MED28: variants seen among roughly 807,000 people sequenced by gnomAD.
The protein encoded by MED28 is mediator complex subunit 28, also known as mediator of RNA polymerase II transcription subunit 28.
In MED28, 26 loss-of-function variants were observed where a neutral mutation model predicts 21.3. The observed-to-expected ratio is 1.22, with a 90% confidence interval of 0.89 to 1.69. The LOEUF (loss-of-function observed/expected upper bound fraction) is 1.69, where lower values mean the gene tolerates loss of function less well. Among genes scored for constraint, MED28 ranks in the 40% most tolerant of loss-of-function variants. The pLI is 0.00. For synonymous variants in MED28, 110 were observed against 87.6 expected, an observed-to-expected ratio of 1.26 and a Z score of -1.43; for missense variants, 257 against 215.4, an observed-to-expected ratio of 1.19 and a Z score of -1.21.
chr4:17,620,118 A>G, intron 2 of MED28, 151 bp downstream of exon 2: 1 of 687,242 alleles, frequency 1.5e-6, no homozygotes, highest in Non-Finnish European at 2.5e-6. Flanking sequence ...TGAGCTGCTG[A>G]TTTTTGGTTC....
At position 17,628,194 on chromosome 4, in the gene MED28, T is replaced by G. The variant is rs1230016444; in HGVS notation, c.*4396T>G. The G allele has an allele frequency of 6.6e-6, 1 of 151,666 alleles. No individual in the cohort carries two copies. 9.4% of individuals were successfully genotyped at this position (151,666 alleles called of 1,614,324 possible). A position where few individuals can be genotyped will look rare whatever the true frequency, so the allele number is the denominator to read the frequency against. ...AAGCACGTACAAAGAAAATTCAAGG[T>G]CAGTTTACCACTCACAAAATACCAA... On this transcript the variant is annotated 3_prime_UTR_variant, in exon 4 of 4. Transcript: ENST00000237380.
chr4:17,632,604 G>A lies in MED28; in HGVS notation c.*8806G>A. On this transcript the variant is annotated 3_prime_UTR_variant, in exon 4 of 4. Transcript: ENST00000237380. ...GTTTCTGCTGGACTTCTTTGGCTTG[G>A]GCCGTTTCACCATCTGGGGTCCTAA... is the stretch of plus-strand genomic sequence containing the variant. 1.3e-6 allele frequency: 2 copies of A among 1,550,804 alleles called. No individual in the cohort carries two copies. Among genetic ancestry groups the A allele is most frequent in the Non-Finnish European group, 8.7e-7 (1 of 1,146,642 alleles).
At chr4:17,617,781 G>A (rs908598656) in intron 1 of MED28, among the ~76,000 whole-genome samples, 16 of 151,878 alleles carry the variant, frequency 1.1e-4, no homozygotes, top group African/African-American at 3.1e-4. Context: ...GGTGGCACAC[G>A]CCTTAATCCC....
intron 2 of MED28, among the ~76,000 whole-genome samples, chr4:17,620,612 C>T (rs757839987): frequency 7.2e-5 from 11 of 151,842 alleles, no homozygotes; most frequent in African/African-American, 1.5e-4. Flanking sequence ...GGATTACAGG[C>T]GTGAGCCACC....
At position 17,630,433 on chromosome 4, in the gene MED28, A is replaced by G. The variant is rs532271299; in HGVS notation, c.*6635A>G. Reference sequence around the variant, plus strand: ...GGGAGGCGCTCTTGCCTCTTCCACCATGTAAGGACACGTAGCAGGCACCCA... The same window carrying G: ...GGGAGGCGCTCTTGCCTCTTCCACCGTGTAAGGACACGTAGCAGGCACCCA... On this transcript the variant is annotated 3_prime_UTR_variant, in exon 4 of 4. Coordinates refer to ENST00000237380, the MANE Select transcript of MED28 (RefSeq NM_025205.5). 1 of 152,300 alleles carries G rather than the reference A, an allele frequency of 6.6e-6. No homozygotes were observed. Among genetic ancestry groups the G allele is most frequent in the East Asian group, 1.9e-4 (1 of 5,178 alleles). 9.4% of individuals were successfully genotyped at this position (152,300 alleles called of 1,614,324 possible).
Position 17,626,192 on chromosome 4 carries a change from G to C in MED28, c.*2394G>C, listed in dbSNP as rs528692354. On this transcript the variant is annotated 3_prime_UTR_variant, in exon 4 of 4. Coordinates refer to ENST00000237380, the MANE Select transcript of MED28 (RefSeq NM_025205.5). The stretch of plus-strand genomic sequence containing the variant: ...GCAGAGGTTGTGATGAGCCAAGATC[G>C]TGCCATTGCACTCCATCCTGGGCTA... The C allele has an allele frequency of 6.5e-6, 1 of 153,624 alleles. No individual in the cohort carries two copies. The highest frequency in any genetic ancestry group is 1.9e-4 in the East Asian group (1 of 5,212). The allele number at this position is 153,624 out of a possible 1,614,324, so 9.5% of individuals were successfully genotyped here. A position where few individuals can be genotyped will look rare whatever the true frequency, so the allele number is the denominator to read the frequency against.
chr4:17,623,893 T>G lies in MED28; in HGVS notation c.*95T>G. ...GACTTGACATTTTGGAAGAACTCTT[T>G]GCCAGATAATGAGTTCATTTTAGTT... On this transcript the variant is annotated 3_prime_UTR_variant, in exon 4 of 4. Coordinates refer to ENST00000237380, the MANE Select transcript of MED28 (RefSeq NM_025205.5). 7 of 1,358,000 alleles carry G rather than the reference T, an allele frequency of 5.2e-6. No homozygotes were observed. The highest frequency in any genetic ancestry group is 7.1e-6 in the Non-Finnish European group (7 of 991,280). 84.1% of individuals were successfully genotyped at this position (1,358,000 alleles called of 1,614,324 possible).
At chr4:17,615,250 G>A (rs1325260550) in intron 1 of MED28, among the ~76,000 whole-genome samples, 1 of 152,170 alleles carries the variant, frequency 6.6e-6, no homozygotes, top group Non-Finnish European at 1.5e-5. Flanking sequence ...ATTGACTTAA[G>A]TTACCAGGCG....
chr4:17,619,820 G>A, intron 1 of MED28, 81 bp from the exon 2 acceptor site: 1 of 1,256,878 alleles, frequency 8.0e-7, no homozygotes, highest in Non-Finnish European at 1.2e-6. Flanking sequence ...GATGACTTCA[G>A]GAGAAGTTAT....
At chr4:17,619,387 A>C (rs903262518) in intron 1 of MED28, among the ~76,000 whole-genome samples, 1 of 152,320 alleles carries the variant, frequency 6.6e-6, no homozygotes, top group Middle Eastern at 3.4e-3. Flanking sequence ...ATTCTCATCT[A>C]CTAGTAGGGG....
intron 2 of MED28, among the ~76,000 whole-genome samples, chr4:17,620,352 A>ATT (rs1714584495): frequency 2.0e-5 from 2 of 97,896 alleles, no homozygotes; most frequent in Non-Finnish European, 2.1e-5. Flanking sequence ...CATATTTTAC[A>ATT]TGTTTTTTTT....
At chr4:17,619,391 G>A (rs998835103) in intron 1 of MED28, among the ~76,000 whole-genome samples, 1 of 152,222 alleles carries the variant, frequency 6.6e-6, no homozygotes, top group Admixed American at 6.5e-5. Flanking sequence ...TCATCTACTA[G>A]TAGGGGACAG....
chr4:17,623,788 A>G lies in MED28; in HGVS notation c.527A>G (p.Lys176Arg). ...TCTGCCAACATCCCTGCACCTCTGAAGCCAACGTGAGCAAAGGGCAGAGGC... is the reference window on the plus strand; with the variant it reads ...TCTGCCAACATCCCTGCACCTCTGAGGCCAACGTGAGCAAAGGGCAGAGGC... ...QASANIPAPL[K>R]PT Residue 176 changes from lysine (K) to arginine (R), a missense_variant, in exon 4 of 4, where the codon AAG becomes AGG. Physicochemically the swap from Lys to Arg is conservative, Grantham distance 26. Coordinates refer to ENST00000237380, the MANE Select transcript of MED28 (RefSeq NM_025205.5). 6.2e-7 allele frequency: 1 copy of G among 1,613,446 alleles called. No homozygotes were observed. Among genetic ancestry groups the G allele is most frequent in the Non-Finnish European group, 8.5e-7 (1 of 1,179,686 alleles).
Position 17,633,113 on chromosome 4 carries a change from G to A in MED28, c.*9315G>A, listed in dbSNP as rs1289449851. On this transcript the variant is annotated 3_prime_UTR_variant, in exon 4 of 4. Coordinates refer to ENST00000237380, the MANE Select transcript of MED28 (RefSeq NM_025205.5). ...AATTTTTGTATTTTTTGTAGAGATGGGTTTCACCATGTTGCCCAGGCTGGT... is the reference window on the plus strand; with the variant it reads ...AATTTTTGTATTTTTTGTAGAGATGAGTTTCACCATGTTGCCCAGGCTGGT... 6.4e-6 allele frequency: 1 copy of A among 155,108 alleles called. No homozygotes were observed. Among genetic ancestry groups the A allele is most frequent in the Admixed American group, 6.3e-5 (1 of 15,786 alleles). The allele number at this position is 155,108 out of a possible 1,614,324, so 9.6% of individuals were successfully genotyped here. A position where few individuals can be genotyped will look rare whatever the true frequency, so the allele number is the denominator to read the frequency against.
At chr4:17,621,389 A>T (rs1248587717) in intron 2 of MED28, among the ~76,000 whole-genome samples, 198 bp from the exon 3 acceptor site, 1 of 151,960 alleles carries the variant, frequency 6.6e-6, no homozygotes, top group East Asian at 1.9e-4. Flanking sequence ...AACCTGAGAA[A>T]AGCATAACTT....
At chr4:17,616,411 A>G (rs573376610) in intron 1 of MED28, among the ~76,000 whole-genome samples, 21 of 152,296 alleles carry the variant, frequency 1.4e-4, no homozygotes, top group African/African-American at 3.8e-4. Flanking sequence ...GCACTTGCTG[A>G]AAGACTGGCC....
Position 17,627,279 on chromosome 4 carries a change from G to A in MED28, c.*3481G>A, listed in dbSNP as rs1238674491. 6.6e-6 allele frequency: 1 copy of A among 152,002 alleles called. No individual in the cohort carries two copies. Among genetic ancestry groups the A allele is most frequent in the Non-Finnish European group, 1.5e-5 (1 of 68,136 alleles). 9.4% of individuals were successfully genotyped at this position (152,002 alleles called of 1,614,324 possible). On this transcript the variant is annotated 3_prime_UTR_variant, in exon 4 of 4. Transcript: ENST00000237380. ...TAATTTTTGTATTTTTAATGGAGAT[G>A]GGGTTTTGCCATGTTGGCCAGGCTG...
Position 17,614,788 on chromosome 4 carries a change from T to G in MED28, c.134T>G (p.Val45Gly). The change falls in exon 1 of 4, where the codon GTG (valine) becomes GGG (glycine). Residue 45 changes from valine (V) to glycine (G), a missense_variant. Physicochemically the swap from Val to Gly is moderately radical, Grantham distance 109. Coordinates refer to ENST00000237380, the MANE Select transcript of MED28 (RefSeq NM_025205.5). The part of the protein sequence containing the change: ...GAPRPSSSTL[V>G]DELESSFEAC... ...CCTAGACCTTCCAGCAGTACTTTGG[T>G]GGACGAGTTGGAGTCATCTTTCGAG... 1 of 1,611,902 alleles carries G rather than the reference T, an allele frequency of 6.2e-7. No homozygotes were observed. The highest frequency in any genetic ancestry group is 8.5e-7 in the Non-Finnish European group (1 of 1,179,092).
rs1162357413 is a variant in MED28, at chr4:17,633,876, C to T, written c.*10078C>T. ...CTGACCACGCGGCTGGGCACGTCCTCCACCTTCTTTTTCTGTTTGTATTAA... is the reference window on the plus strand; with the variant it reads ...CTGACCACGCGGCTGGGCACGTCCTTCACCTTCTTTTTCTGTTTGTATTAA... On this transcript the variant is annotated 3_prime_UTR_variant, in exon 4 of 4. Transcript: ENST00000237380. 6.5e-7 allele frequency: 1 copy of T among 1,548,452 alleles called. No individual in the cohort carries two copies. The highest frequency in any genetic ancestry group is 2.4e-5 in the East Asian group (1 of 40,822).
Sources: allele counts gnomAD v4.1 joint callset (sites outside exome capture counted in the v4.1 genomes callset), GRCh38; gene constraint gnomAD v4.1.1; transcripts MANE v1.5; gene names NCBI Gene and HGNC (gene_info 2026-07-23, HGNC 2026-07-21).